The following DNTT variants were observed in gnomAD, a reference collection of about 807,000 sequenced individuals.
DNTT encodes the protein DNA nucleotidylexotransferase, also known as nucleosidetriphosphate:DNA deoxynucleotidylexotransferase.
Under a neutral mutation model 60.9 loss-of-function variants are expected in DNTT, and 47 were observed. The observed-to-expected ratio is 0.77, with a 90% CI of 0.61 to 0.98. The LOEUF (loss-of-function observed/expected upper bound fraction) is 0.98, where lower values mean the gene tolerates loss of function less well. DNTT is among the 50% of genes least tolerant of loss of function. DNTT has a pLI of 0.00. For missense variants in DNTT, 665 were observed against 627.5 expected (o/e 1.06, Z -0.64); for synonymous variants, 224 against 221.2 (o/e 1.01, Z -0.11).
chr10:96,337,903 T>C (rs1198771663), intron 10 of DNTT, among the ~76,000 whole-genome samples: 1 of 152,178 alleles, frequency 6.6e-6, no homozygotes, highest in Non-Finnish European at 1.5e-5. Flanking sequence ...GTAGGAAAAA[T>C]ATCCAAATGG....
chr10:96,312,160 T>A (rs933455219), intron 1 of DNTT, among the ~76,000 whole-genome samples: 14 of 152,164 alleles, frequency 9.2e-5, no homozygotes, highest in African/African-American at 3.4e-4. Flanking sequence ...AACACAGCTG[T>A]CATTGAGGCC....
chr10:96,318,568 G>A (rs1844821222), intron 2 of DNTT, 42 bp downstream of exon 2: 1 of 1,597,204 alleles, frequency 6.3e-7, no homozygotes, highest in Non-Finnish European at 8.5e-7. Context: ...TTTGCTTGAT[G>A]GTTAAGAACA....
In DNTT at chr10:96,320,715, C is replaced by T; in HGVS notation, c.605C>T (p.Pro202Leu). The change falls in exon 4 of 11, where the codon CCA becomes CTA. Residue 202 changes from proline to leucine, a missense_variant. Coordinates refer to ENST00000371174, the MANE Select transcript of DNTT (RefSeq NM_004088.4). ...GCAGCTTCTGTATTGAAATCTCTGC[C>T]ATTCACAATCATCAGTATGAAGGAC... The part of the protein sequence containing the change: ...MRAASVLKSL[P>L]FTIISMKDTE... 1 of 1,613,884 alleles carries T rather than the reference C, an allele frequency of 6.2e-7. No individual in the cohort carries two copies. The highest frequency in any genetic ancestry group is 8.5e-7 in the Non-Finnish European group (1 of 1,179,830).
chr10:96,308,460 C>A lies in DNTT; in HGVS notation c.203+3760C>A, dbSNP rs577264106. Among the ~76,000 whole-genome samples the A allele has an allele frequency of 4.6e-5, 7 of 152,266 alleles. No homozygotes were observed. The South Asian group carries it at 1.4e-3, about 32-fold the overall frequency. On this transcript the variant is annotated intron_variant, in intron 1 of 10. Coordinates refer to ENST00000371174, the MANE Select transcript of DNTT (RefSeq NM_004088.4). ...ACTTCCTAAATTTTAGAGCAATTTG[C>A]CACCCGGGTCAAGCTGGAGAAGGAT...
rs1844835782 is a variant in DNTT, at chr10:96,319,351, GAGA to G, written c.473_475del (p.Arg158del). 3 of 1,613,866 alleles carry G rather than the reference GAGA, an allele frequency of 1.9e-6. No individual in the cohort carries two copies. The East Asian group carries it at 6.7e-5, about 36-fold the overall frequency. On this transcript the variant is annotated inframe_deletion, in exon 3 of 11. Transcript: ENST00000371174. ...AAAAGATCTCCCAGTATGCGTGTCA[GAGA>G]AGAACCACTTTAAACAACTGTAACC...
intron 9 of DNTT, among the ~76,000 whole-genome samples, chr10:96,333,637 C>T (rs1845032874): frequency 6.6e-6 from 1 of 152,178 alleles, no homozygotes; most frequent in Admixed American, 6.5e-5. Context: ...CACAGCCTTT[C>T]GAAAACAGGA....
rs372075557 is a variant in DNTT, at chr10:96,318,361, C to T, written c.213C>T (p.Val71=). 50 of 1,610,474 alleles carry T rather than the reference C, an allele frequency of 3.1e-5. No individual in the cohort carries two copies. Among genetic ancestry groups the T allele is most frequent in the Middle Eastern group, 3.3e-4 (2 of 6,028 alleles). ...FRVENELSDS[V]THIVAENNSG... Reference sequence around the variant, plus strand: ...GTCTTGCATTTTGCAGTGATTCTGTCACCCACATCGTAGCAGAGAACAACT... The same window carrying T: ...GTCTTGCATTTTGCAGTGATTCTGTTACCCACATCGTAGCAGAGAACAACT... Residue 71 remains valine (V), a synonymous_variant, in exon 2 of 11, where the codon GTC becomes GTT. Transcript: ENST00000371174.
intron 6 of DNTT, 59 bp from the exon 7 acceptor site, chr10:96,327,409 G>C: frequency 6.2e-7 from 1 of 1,613,162 alleles, no homozygotes; most frequent in Non-Finnish European, 8.5e-7. Context: ...CTTCTACTGA[G>C]GGCTGGTTGT....
chr10:96,315,467 G>A (rs1423509396), intron 1 of DNTT, among the ~76,000 whole-genome samples: 6 of 152,094 alleles, frequency 3.9e-5, no homozygotes, highest in Non-Finnish European at 8.8e-5. Flanking sequence ...TTATTGAACA[G>A]GAAGTGGGAG....
At chr10:96,330,743 G>T (rs2133994279) in intron 8 of DNTT, among the ~76,000 whole-genome samples, 1 of 152,284 alleles carries the variant, frequency 6.6e-6, no homozygotes, top group South Asian at 2.1e-4. Context: ...CTCAAAGTGT[G>T]GTCCCTGGTC....
intron 10 of DNTT, among the ~76,000 whole-genome samples, chr10:96,337,585 G>A (rs1269734761): frequency 1.3e-5 from 2 of 152,226 alleles, no homozygotes; most frequent in East Asian, 1.9e-4. Flanking sequence ...ACCGTGCTAT[G>A]TACAAGAAGG....
At chr10:96,338,073 C>A in intron 10 of DNTT, 65 bp from the exon 11 acceptor site, 1 of 1,390,216 alleles carries the variant, frequency 7.2e-7, no homozygotes, top group Non-Finnish European at 1.0e-6. Context: ...AACACTTTCA[C>A]TGTGTCCACA....
chr10:96,338,037 C>A, intron 10 of DNTT, 101 bp from the exon 11 acceptor site: 1 of 958,646 alleles, frequency 1.0e-6, no homozygotes, highest in Non-Finnish European at 1.5e-6. Flanking sequence ...GGCTGTAATT[C>A]ATTCTGACAA....
intron 2 of DNTT, 30 bp from the exon 3 acceptor site, chr10:96,319,232 T>C: frequency 1.9e-6 from 3 of 1,608,134 alleles, no homozygotes; most frequent in South Asian, 1.1e-5. Context: ...TTAATTTTTA[T>C]TGAAAATGGA....
At chr10:96,329,186 G>A (rs1000982541) in intron 8 of DNTT, among the ~76,000 whole-genome samples, 2 of 152,258 alleles carry the variant, frequency 1.3e-5, no homozygotes, top group Non-Finnish European at 2.9e-5. Context: ...GCTTGGGTGA[G>A]GGGGCAGGAC....
intron 8 of DNTT, among the ~76,000 whole-genome samples, chr10:96,331,270 C>A (rs1845003357): frequency 6.6e-6 from 1 of 152,186 alleles, no homozygotes; most frequent in East Asian, 1.9e-4. Context: ...GCTGGTTAAA[C>A]CTGGTCATCA....
chr10:96,325,589 C>T (rs534264954), intron 6 of DNTT, among the ~76,000 whole-genome samples: 1 of 152,282 alleles, frequency 6.6e-6, no homozygotes, highest in South Asian at 2.1e-4. Context: ...GATTTTTGTT[C>T]TTCCTGTTGA....
intron 1 of DNTT, among the ~76,000 whole-genome samples, chr10:96,317,839 G>C (rs541141820): frequency 9.9e-5 from 15 of 152,198 alleles, no homozygotes; most frequent in Admixed American, 2.6e-4. Context: ...AAGGTATTTT[G>C]TTATAGCAGC....
At chr10:96,316,283 A>G (rs952550906) in intron 1 of DNTT, among the ~76,000 whole-genome samples, 1 of 152,064 alleles carries the variant, frequency 6.6e-6, no homozygotes, top group African/African-American at 2.4e-5. Flanking sequence ...TGTCTACCAT[A>G]TTTCTCCTCT....
Sources: gnomAD v4.1 joint callset for allele counts (sites outside exome capture counted in the v4.1 genomes callset) on GRCh38, gnomAD v4.1.1 for gene constraint, MANE v1.5 for transcripts, NCBI Gene and HGNC (gene_info 2026-07-23, HGNC 2026-07-21) for gene names.